The following GBE1 variants were observed in gnomAD, a reference collection of about 807,000 sequenced individuals.
The protein encoded by GBE1 is 1,4-alpha-glucan branching enzyme 1.
In GBE1, 70 loss-of-function variants were observed where a neutral mutation model predicts 88.8. The observed-to-expected ratio is 0.79, with a 90% confidence interval of 0.65 to 0.96. GBE1 has a LOEUF of 0.96. GBE1 is among the 40% of genes least tolerant of loss of function. The probability of loss-of-function intolerance (pLI) is 0.00; values close to 1 mark genes in which losing one functional copy is unlikely to be tolerated. For synonymous variants in GBE1, 284 were observed against 300.1 expected, an observed-to-expected ratio of 0.95 and a Z score of 0.56; for missense variants, 872 against 871.0, an observed-to-expected ratio of 1.00 and a Z score of -0.01.
chr3:81,547,537 G>C (rs886817968), intron 12 of GBE1, among the ~76,000 whole-genome samples: 5 of 151,082 alleles, frequency 3.3e-5, no homozygotes, highest in African/African-American at 1.2e-4. Flanking sequence ...CGGGTCACTG[G>C]GGCCACTCAG....
At chr3:81,651,950 T>G (rs1367637424) in intron 3 of GBE1, among the ~76,000 whole-genome samples, 6 of 152,148 alleles carry the variant, frequency 3.9e-5, no homozygotes, top group Non-Finnish European at 8.8e-5. Flanking sequence ...GAGTGATGGG[T>G]GTTGAATGTT....
intron 12 of GBE1, among the ~76,000 whole-genome samples, chr3:81,540,644 C>T (rs1454763799): frequency 6.6e-6 from 1 of 152,070 alleles, no homozygotes; most frequent in South Asian, 2.1e-4. Flanking sequence ...AAGTTCTGCA[C>T]AGATGCATTT....
At chr3:81,504,752 C>A (rs924707581) in intron 14 of GBE1, among the ~76,000 whole-genome samples, 4 of 152,158 alleles carry the variant, frequency 2.6e-5, no homozygotes, top group Non-Finnish European at 5.9e-5. Context: ...CATGAAGACT[C>A]TTAAATTCAA....
At position 81,761,386 on chromosome 3, in the gene GBE1, G is replaced by A. The variant is rs1706686169; in HGVS notation, c.132C>T (p.Asp44=). 1.2e-6 allele frequency: 2 copies of A among 1,608,986 alleles called. No homozygotes were observed. Among genetic ancestry groups the A allele is most frequent in the Non-Finnish European group, 1.7e-6 (2 of 1,176,564 alleles). The change falls in exon 1 of 16, where the codon GAC becomes GAT. Residue 44 remains aspartate, a synonymous_variant. Transcript: ENST00000429644. ...GATTCCGGCGGTACCTGCGCTGGAAGTCCACGGCGTAGGGCTTCAAGTACG... is the reference window on the plus strand; with the variant it reads ...GATTCCGGCGGTACCTGCGCTGGAAATCCACGGCGTAGGGCTTCAAGTACG... ...IDPYLKPYAV[D]FQRRYKQFSQ...
chr3:81,699,008 T>C (rs1038378671), intron 2 of GBE1, among the ~76,000 whole-genome samples: 3 of 151,330 alleles, frequency 2.0e-5, no homozygotes, highest in African/African-American at 4.8e-5. Context: ...TAGGTTCACA[T>C]ACGTCAAAGA....
At chr3:81,502,911 C>T (rs17019030) in intron 14 of GBE1, among the ~76,000 whole-genome samples, 33,875 of 152,054 alleles carry the variant, frequency 0.22, 4,070 homozygotes, top group East Asian at 0.42. Context: ...GTTTCCAATA[C>T]ATAGCACACA....
Position 81,591,125 on chromosome 3 carries a change from A to C in GBE1, c.1148T>G (p.Leu383Arg), listed in dbSNP as rs777291512. 8 of 1,607,274 alleles carry C rather than the reference A, an allele frequency of 5.0e-6. No individual in the cohort carries two copies. The highest frequency in any genetic ancestry group is 6.8e-6 in the Non-Finnish European group (8 of 1,176,092). ...FSGDYSEYFGLQVDEDALTYL... is the reference protein window; with the variant it reads ...FSGDYSEYFGRQVDEDALTYL... ...AGTCAAGGCATCTTCATCTACTTGT[A>C]GTCCGAAATATTCACTGTAATCACC... The change falls in exon 9 of 16, where the codon CTA (leucine) becomes CGA (arginine). Residue 383 changes from leucine (L) to arginine (R), a missense_variant. Physicochemically the swap from Leu to Arg is moderately radical, Grantham distance 102 (BLOSUM62 -2). Coordinates refer to ENST00000429644, the MANE Select transcript of GBE1 (RefSeq NM_000158.4).
intron 2 of GBE1, among the ~76,000 whole-genome samples, chr3:81,702,145 GTGTGTGTGTGTGTGT>G (rs1705703534): frequency 7.4e-6 from 1 of 134,694 alleles, no homozygotes; most frequent in African/African-American, 3.2e-5. Context: ...GTGTGTGTGT[GTGTGTGTGTGTGTGT>G]TAAGGCATGG....
chr3:81,555,111 C>T (rs1559643611), intron 12 of GBE1, among the ~76,000 whole-genome samples: 1 of 152,174 alleles, frequency 6.6e-6, no homozygotes, highest in Non-Finnish European at 1.5e-5. Context: ...AAAAGGTTCT[C>T]AGTGTTTGTA....
intron 12 of GBE1, among the ~76,000 whole-genome samples, chr3:81,566,305 A>G (rs1703494878): frequency 6.6e-6 from 1 of 152,146 alleles, no homozygotes; most frequent in Non-Finnish European, 1.5e-5. Flanking sequence ...ATTAAATCAC[A>G]ATTTCTAGGT....
At chr3:81,756,470 C>T (rs948966435) in intron 1 of GBE1, among the ~76,000 whole-genome samples, 1 of 152,190 alleles carries the variant, frequency 6.6e-6, no homozygotes, top group African/African-American at 2.4e-5. Context: ...GAGGCAGGTC[C>T]AGTTCTACAG....
chr3:81,633,412 T>C (rs1225995547), intron 7 of GBE1, among the ~76,000 whole-genome samples: 1 of 152,190 alleles, frequency 6.6e-6, no homozygotes, highest in Admixed American at 6.6e-5. Flanking sequence ...AGTGATGAAC[T>C]AGTATTTGAG....
At chr3:81,608,629 G>T (rs1018305193) in intron 7 of GBE1, among the ~76,000 whole-genome samples, 1 of 152,072 alleles carries the variant, frequency 6.6e-6, no homozygotes, top group Non-Finnish European at 1.5e-5. Flanking sequence ...GATAATAACT[G>T]TCAGTTATGA....
intron 1 of GBE1, among the ~76,000 whole-genome samples, chr3:81,747,972 C>G (rs555829045): frequency 3.9e-5 from 6 of 152,126 alleles, no homozygotes; most frequent in African/African-American, 1.2e-4. Context: ...TCTCTTCACA[C>G]GGACGCGCAT....
intron 7 of GBE1, among the ~76,000 whole-genome samples, chr3:81,600,012 G>A (rs1704010412): frequency 6.6e-6 from 1 of 152,114 alleles, no homozygotes; most frequent in African/African-American, 2.4e-5. Context: ...AGTGGCTCAT[G>A]CCTGTAATCC....
chr3:81,528,831 T>A (rs570128466), intron 14 of GBE1, among the ~76,000 whole-genome samples: 1 of 152,198 alleles, frequency 6.6e-6, no homozygotes, highest in Admixed American at 6.5e-5. Context: ...AGAATATCTT[T>A]TTCCATCCCT....
intron 7 of GBE1, among the ~76,000 whole-genome samples, chr3:81,606,877 G>A (rs1576167482): frequency 6.6e-6 from 1 of 152,098 alleles, no homozygotes; most frequent in South Asian, 2.1e-4. Flanking sequence ...TTTTTAAATT[G>A]ATTATCAATC....
intron 14 of GBE1, among the ~76,000 whole-genome samples, chr3:81,532,139 C>A (rs994339455): frequency 6.6e-6 from 1 of 151,840 alleles, no homozygotes; most frequent in African/African-American, 2.4e-5. Flanking sequence ...GTCTTTCTTA[C>A]CCTCTTCTGT....
At chr3:81,495,154 C>T (rs1320657478) in intron 15 of GBE1, among the ~76,000 whole-genome samples, 3 of 152,070 alleles carry the variant, frequency 2.0e-5, no homozygotes, top group African/African-American at 7.2e-5. Context: ...TTTGGGAGGC[C>T]GAGGCAGGTG....
Sources: gnomAD v4.1 joint callset for allele counts (sites outside exome capture counted in the v4.1 genomes callset) on GRCh38, gnomAD v4.1.1 for gene constraint, MANE v1.5 for transcripts, NCBI Gene and HGNC (gene_info 2026-07-23, HGNC 2026-07-21) for gene names.